GALC: variants seen among roughly 807,000 people sequenced by gnomAD.
The protein encoded by GALC is galactosylceramidase.
In GALC, 77 loss-of-function variants were observed where a neutral mutation model predicts 91.8. The ratio of observed to expected loss-of-function variants is 0.84; its 90% CI spans 0.70 to 1.01. The LOEUF is 1.01. Ranked by LOEUF, GALC falls within the 50% of genes least tolerant of loss-of-function variation. The pLI, the probability that GALC is intolerant of heterozygous loss-of-function variation, is 0.00. For missense variants in GALC, 882 were observed against 855.9 expected (o/e 1.03, Z -0.38); for synonymous variants, 357 against 306.7 (o/e 1.16, Z -1.71).
rs371096411 is a variant in GALC, at chr14:87,965,524, T to C, written c.1014A>G (p.Glu338=). 8 of 1,613,446 alleles carry C rather than the reference T, an allele frequency of 5.0e-6. No homozygotes were observed. The highest frequency in any genetic ancestry group is 6.8e-6 in the Non-Finnish European group (8 of 1,179,628). ...QEPWSGHYVV[E]SPVWVSAHTT... The stretch of plus-strand genomic sequence containing the variant: ...CCATACCTGATACCCAGACAGGAGA[T>C]TCTACCACGTAGTGCCCACTCCATG... The change falls in exon 9 of 17, where the codon GAA becomes GAG. Residue 338 remains glutamate, a synonymous_variant. Coordinates refer to ENST00000261304, the MANE Select transcript of GALC (RefSeq NM_000153.4).
In GALC at chr14:87,953,790, A is replaced by T. The variant is rs1293725383; in HGVS notation, c.1162-3042T>A. On this transcript the variant is annotated intron_variant, in intron 10 of 16. Coordinates refer to ENST00000261304, the MANE Select transcript of GALC (RefSeq NM_000153.4). ...GTATTAAAAAAAGTCATTAATAAAA[A>T]ACTGTGATTCTAAAAGCCAGAAGTA... The T allele has an allele frequency of 5.0e-6, 8 of 1,606,070 alleles. No individual in the cohort carries two copies. The Admixed American group carries it at 1.4e-4, about 27-fold the overall frequency.
At position 87,984,471 on chromosome 14, in the gene GALC, G is replaced by C; in HGVS notation, c.505C>G (p.Gln169Glu). 6.2e-7 allele frequency: 1 copy of C among 1,614,122 alleles called. No individual in the cohort carries two copies. The highest frequency in any genetic ancestry group is 8.5e-7 in the Non-Finnish European group (1 of 1,179,972). Residue 169 changes from glutamine (Q) to glutamate (E), a missense_variant, in exon 5 of 17, where the codon CAG becomes GAG. Coordinates refer to ENST00000261304, the MANE Select transcript of GALC (RefSeq NM_000153.4). ...GTCACGACATAATAGGCAGTCAGCTGAAGATTGACATAAGGCCAGTCGAAA... is the reference window on the plus strand; with the variant it reads ...GTCACGACATAATAGGCAGTCAGCTCAAGATTGACATAAGGCCAGTCGAAA... ...KGFDWPYVNL[Q>E]LTAYYVVTWI...
Position 87,963,418 on chromosome 14 carries a change from C to T in GALC, c.1127G>A (p.Gly376Asp), listed in dbSNP as rs1885893742. The part of the protein sequence containing the change: ...KGGSYVALTD[G>D]LGNLTIIIET... ...AATGATGATGGTGAGGTTCCCTAAG[C>T]CATCAGTCAGAGCTACGTAGCTTCC... is the stretch of plus-strand genomic sequence containing the variant. Residue 376 changes from glycine (G) to aspartate (D), a missense_variant, in exon 10 of 17, where the codon GGC (glycine) becomes GAC (aspartate). By Grantham distance (94) the Gly-to-Asp change is moderately conservative. Transcript: ENST00000261304. 6.2e-7 allele frequency: 1 copy of T among 1,613,336 alleles called. No individual in the cohort carries two copies. Among genetic ancestry groups the T allele is most frequent in the African/African-American group, 1.3e-5 (1 of 74,878 alleles).
chr14:87,936,958 T>C (rs1884602513), intron 16 of GALC, among the ~76,000 whole-genome samples: 1 of 140,886 alleles, frequency 7.1e-6, no homozygotes, highest in South Asian at 2.3e-4. Flanking sequence ...GTGTTCTTCA[T>C]GATATCATGG....
intron 1 of GALC, chr14:87,992,706 T>G: frequency 7.0e-7 from 1 of 1,432,472 alleles, no homozygotes; most frequent in Non-Finnish European, 9.1e-7. Context: ...CCTGTCACTT[T>G]ACTCTCTGCA....
At position 87,952,836 on chromosome 14, in the gene GALC, AC is replaced by A. The variant is rs1317890694; in HGVS notation, c.1162-2089del. On this transcript the variant is annotated intron_variant, in intron 10 of 16. Transcript: ENST00000261304. ...TCACTCCTCTAGACTGAGTGAGGTA[AC>A]GAGCTCTAATATGCAAATATGTGGA... 4 of 1,302,978 alleles carry A rather than the reference AC, an allele frequency of 3.1e-6. No homozygotes were observed. In the African/African-American group the frequency reaches 5.8e-5, roughly 19 times the overall value. The allele number at this position is 1,302,978 out of a possible 1,614,324, so 80.7% of individuals were successfully genotyped here. A position where few individuals can be genotyped will look rare whatever the true frequency, so the allele number is the denominator to read the frequency against.
chr14:87,939,676 T>G (rs959914063), intron 16 of GALC, among the ~76,000 whole-genome samples: 2 of 151,908 alleles, frequency 1.3e-5, no homozygotes, highest in African/African-American at 4.8e-5. Flanking sequence ...CAAAATAAAA[T>G]TTTTTAAAAA....
rs531653617 is a variant in GALC at position 87,947,679 on chromosome 14, C to CT, written c.1489+48dup. 533 of 1,558,688 alleles carry CT rather than the reference C, an allele frequency of 3.4e-4. 3 individuals carry two copies. The African/African-American group carries it at 6.0e-3, about 18-fold the overall frequency. ...AGTTTGACAGGTAGAAATCAACACA[C>CT]TACTGTTAAATATAGAGACCAAGTT... On this transcript the variant is annotated intron_variant, in intron 13 of 16. Transcript: ENST00000261304.
At chr14:87,962,247 T>C (rs1885835514) in intron 10 of GALC, among the ~76,000 whole-genome samples, 1 of 152,136 alleles carries the variant, frequency 6.6e-6, no homozygotes, top group South Asian at 2.1e-4. Flanking sequence ...GGGTCTTTCT[T>C]TTGACTATCC....
At chr14:87,949,078 T>C (rs429176) in intron 12 of GALC, among the ~76,000 whole-genome samples, 77,674 of 151,586 alleles carry the variant, frequency 0.51, 20,882 homozygotes, top group African/African-American at 0.65. Context: ...CACATGGCCC[T>C]AGGTGAATAT....
intron 10 of GALC, chr14:87,953,075 G>C (rs1307256257): frequency 6.7e-7 from 1 of 1,494,742 alleles, no homozygotes; most frequent in Non-Finnish European, 9.3e-7. Context: ...TACAAAGAGA[G>C]TGTGTGCCAA....
chr14:87,940,079 G>T lies in GALC; in HGVS notation c.1835-98C>A. ...GGTTCTTGAGTGGCATCTGTATGTA[G>T]TAAAGTCAGCCTCAACAGAGAGCTA... is the stretch of plus-strand genomic sequence containing the variant. On this transcript the variant is annotated intron_variant, in intron 15 of 16. Transcript: ENST00000261304. 3 of 942,068 alleles carry T rather than the reference G, an allele frequency of 3.2e-6. No homozygotes were observed. In the Admixed American group the frequency reaches 5.1e-5, roughly 16 times the overall value. 58.4% of individuals were successfully genotyped at this position (942,068 alleles called of 1,614,324 possible).
chr14:87,953,029 GT>G, intron 10 of GALC: 15 of 1,254,566 alleles, frequency 1.2e-5, no homozygotes, highest in Non-Finnish European at 1.7e-5. Flanking sequence ...GATTTGGTTT[GT>G]AGTACTAAAC....
In GALC at chr14:87,950,126, C is replaced by A. The variant is rs1398034995; in HGVS notation, c.1252-195G>T. Among the ~76,000 whole-genome samples, 4 of 151,944 alleles carry A rather than the reference C, an allele frequency of 2.6e-5. No individual in the cohort carries two copies. The highest frequency in any genetic ancestry group is 9.7e-5 in the African/African-American group (4 of 41,404). Reference sequence around the variant, plus strand: ...TCAAGCAAATACTTTATTCTCTAAACACTAAAGAATTTTGGCAAATGATAA... The same window carrying A: ...TCAAGCAAATACTTTATTCTCTAAAAACTAAAGAATTTTGGCAAATGATAA... On this transcript the variant is annotated intron_variant, in intron 11 of 16. Coordinates refer to ENST00000261304, the MANE Select transcript of GALC (RefSeq NM_000153.4).
At chr14:87,989,220 A>T (rs1887096435) in intron 1 of GALC, among the ~76,000 whole-genome samples, 1 of 152,220 alleles carries the variant, frequency 6.6e-6, no homozygotes, top group South Asian at 2.1e-4. Flanking sequence ...GGCATGAAAC[A>T]GTAGCCTCAG....
At chr14:87,953,252 T>C in intron 10 of GALC, 2 of 1,505,860 alleles carry the variant, frequency 1.3e-6, no homozygotes, top group Non-Finnish European at 1.8e-6. Context: ...GTTGCTTTTT[T>C]AGCTCAAAAG....
intron 4 of GALC, among the ~76,000 whole-genome samples, chr14:87,984,965 T>G (rs368809686): frequency 5.9e-5 from 9 of 152,282 alleles, no homozygotes; most frequent in Admixed American, 2.0e-4. Flanking sequence ...ATAACACAAA[T>G]TTATCATTCA....
At position 87,937,467 on chromosome 14, in the gene GALC, C is replaced by A. The variant is rs144210653; in HGVS notation, c.1911+2438G>T. 4.0e-3 allele frequency among the ~76,000 whole-genome samples: 608 copies of A among 151,954 alleles called. 4 individuals are homozygous for A. Among genetic ancestry groups the A allele is most frequent in the African/African-American group, 0.014 (580 of 41,478 alleles). Reference sequence around the variant, plus strand: ...CTGAGATTCAAGAGGAAACAGAATGCCCATAGTTGATGAAACACAAAATAA... The same window carrying A: ...CTGAGATTCAAGAGGAAACAGAATGACCATAGTTGATGAAACACAAAATAA... On this transcript the variant is annotated intron_variant, in intron 16 of 16. Coordinates refer to ENST00000261304, the MANE Select transcript of GALC (RefSeq NM_000153.4).
intron 10 of GALC, among the ~76,000 whole-genome samples, chr14:87,963,105 C>T (rs899132000): frequency 1.3e-5 from 2 of 152,112 alleles, no homozygotes; most frequent in Non-Finnish European, 2.9e-5. Flanking sequence ...TCGTGAAGGT[C>T]GTCTCCACAA....
Sources: gnomAD v4.1 joint callset for allele counts (sites outside exome capture counted in the v4.1 genomes callset) on GRCh38, gnomAD v4.1.1 for gene constraint, MANE v1.5 for transcripts, NCBI Gene and HGNC (gene_info 2026-07-23, HGNC 2026-07-21) for gene names.